The following NRXN3 variants were observed in gnomAD, a reference collection of about 807,000 sequenced individuals.
NRXN3 encodes neurexin III.
In NRXN3, 32 loss-of-function variants were observed where a neutral mutation model predicts 137.6. The observed-to-expected ratio is 0.23, with a 90% CI of 0.18 to 0.31. NRXN3 has a LOEUF of 0.31. NRXN3 is among the 10% of genes least tolerant of loss of function. The pLI is 1.00. For synonymous variants in NRXN3, 798 were observed against 784.5 expected (o/e 1.02, Z -0.29); for missense variants, 1,574 against 2,062.5 (o/e 0.76, Z 4.59).
At chr14:78,643,421 T>C (rs1198360393) in intron 4 of NRXN3, among the ~76,000 whole-genome samples, 1 of 152,232 alleles carries the variant, frequency 6.6e-6, no homozygotes. Flanking sequence ...TTTGACCAAC[T>C]CTGGTATGAA....
intron 4 of NRXN3, among the ~76,000 whole-genome samples, chr14:78,476,353 G>A (rs2095377876): frequency 6.6e-6 from 1 of 152,210 alleles, no homozygotes; most frequent in Non-Finnish European, 1.5e-5. Flanking sequence ...CCTCTCCAAG[G>A]AGGTGATATT....
chr14:78,400,422 C>T (rs1222454130), intron 4 of NRXN3, among the ~76,000 whole-genome samples: 1 of 152,160 alleles, frequency 6.6e-6, no homozygotes, highest in African/African-American at 2.4e-5. Context: ...TCTTCTTGAG[C>T]TTTATGGGCA....
chr14:79,429,192 G>T (rs1257918545), intron 15 of NRXN3, among the ~76,000 whole-genome samples: 1 of 152,122 alleles, frequency 6.6e-6, no homozygotes, highest in Admixed American at 6.6e-5. Flanking sequence ...GTATATGTAA[G>T]ATGCCAGATG....
intron 16 of NRXN3, among the ~76,000 whole-genome samples, chr14:79,549,004 A>G (rs1273240729): frequency 6.6e-6 from 1 of 152,078 alleles, no homozygotes; most frequent in Non-Finnish European, 1.5e-5. Context: ...GGTTAGGTCC[A>G]TGGGAGATTG....
chr14:78,550,703 G>A (rs2096680154), intron 4 of NRXN3, among the ~76,000 whole-genome samples: 2 of 152,182 alleles, frequency 1.3e-5, no homozygotes, highest in Admixed American at 6.5e-5. Flanking sequence ...AGGTTGGACT[G>A]TAGGTAGCAC....
At chr14:78,513,692 T>A (rs867595135) in intron 4 of NRXN3, among the ~76,000 whole-genome samples, 1 of 152,180 alleles carries the variant, frequency 6.6e-6, no homozygotes, top group Non-Finnish European at 1.5e-5. Context: ...ATTTGTTGGA[T>A]TGAAATATTT....
intron 19 of NRXN3, among the ~76,000 whole-genome samples, chr14:79,768,272 C>G (rs1163034927): frequency 2.6e-5 from 4 of 152,228 alleles, no homozygotes; most frequent in Non-Finnish European, 5.9e-5. Context: ...GAGCCCACCA[C>G]AGCTCAAGGA....
chr14:78,474,339 C>A (rs929522878), intron 4 of NRXN3, among the ~76,000 whole-genome samples: 1 of 152,008 alleles, frequency 6.6e-6, no homozygotes, highest in Non-Finnish European at 1.5e-5. Flanking sequence ...GATAGCTGTC[C>A]CAGACCTTAT....
At chr14:78,302,887 C>G (rs952021856) in intron 4 of NRXN3, among the ~76,000 whole-genome samples, 1 of 152,234 alleles carries the variant, frequency 6.6e-6, no homozygotes, top group Non-Finnish European at 1.5e-5. Flanking sequence ...TGTCAGCTCC[C>G]TGGATCAGTT....
chr14:78,921,557 C>A (rs551242946), intron 10 of NRXN3, among the ~76,000 whole-genome samples: 1 of 152,276 alleles, frequency 6.6e-6, no homozygotes, highest in Non-Finnish European at 1.5e-5. Flanking sequence ...TAAGTCTCAT[C>A]TTTTTGACAT....
At chr14:79,200,905 A>C (rs1326063387) in intron 15 of NRXN3, 3 of 132,962 alleles carry the variant, frequency 2.3e-5, no homozygotes, top group Non-Finnish European at 4.6e-5. Flanking sequence ...TATGGCAACT[A>C]TCTCTCAAGT....
At chr14:79,819,603 A>G (rs757222471) in intron 20 of NRXN3, among the ~76,000 whole-genome samples, 10 of 143,696 alleles carry the variant, frequency 7.0e-5, no homozygotes, top group Non-Finnish European at 4.5e-5. Flanking sequence ...TCCTGCCTCA[A>G]CCGCCTGAGT....
chr14:79,792,999 T>C (rs919921894), intron 19 of NRXN3, among the ~76,000 whole-genome samples: 21 of 152,152 alleles, frequency 1.4e-4, no homozygotes, highest in African/African-American at 4.8e-4. Context: ...TAGAGAATAC[T>C]CTCTGGAATG....
chr14:79,443,396 A>G (rs1310697837), intron 15 of NRXN3, among the ~76,000 whole-genome samples: 1 of 152,202 alleles, frequency 6.6e-6, no homozygotes, highest in Non-Finnish European at 1.5e-5. Context: ...GTGGGTCTAA[A>G]TAAGTATTTA....
At chr14:78,297,067 G>A (rs1410145610) in intron 3 of NRXN3, among the ~76,000 whole-genome samples, 2 of 152,172 alleles carry the variant, frequency 1.3e-5, no homozygotes, top group African/African-American at 4.8e-5. Flanking sequence ...CAGAGGTTCT[G>A]TTATCTATTT....
intron 17 of NRXN3, among the ~76,000 whole-genome samples, chr14:79,671,766 C>G (rs892648279): frequency 6.6e-6 from 1 of 151,906 alleles, no homozygotes; most frequent in Non-Finnish European, 1.5e-5. Context: ...AAACCTAGAG[C>G]CTTTTTCTCT....
chr14:78,512,720 G>A (rs2096131647), intron 4 of NRXN3, among the ~76,000 whole-genome samples: 1 of 152,154 alleles, frequency 6.6e-6, no homozygotes, highest in South Asian at 2.1e-4. Context: ...ATGCCTTCCT[G>A]AGAGGCTGTC....
intron 18 of NRXN3, among the ~76,000 whole-genome samples, chr14:79,694,950 A>C (rs1321639651): frequency 7.9e-5 from 12 of 151,976 alleles, no homozygotes; most frequent in Non-Finnish European, 1.8e-4. Context: ...AAGATGAAAA[A>C]CTGAAACATA....
intron 16 of NRXN3, among the ~76,000 whole-genome samples, chr14:79,590,828 A>G (rs2097796882): frequency 6.6e-6 from 1 of 152,190 alleles, no homozygotes; most frequent in Non-Finnish European, 1.5e-5. Flanking sequence ...TGGGCTAAGA[A>G]GTTCTGCTTT....
Sources: gnomAD v4.1 joint callset for allele counts (sites outside exome capture counted in the v4.1 genomes callset) on GRCh38, gnomAD v4.1.1 for gene constraint, MANE v1.5 for transcripts, NCBI Gene and HGNC (gene_info 2026-07-23, HGNC 2026-07-21) for gene names.